Variants in NF1 observed in about 807,000 individuals in gnomAD.
The protein encoded by NF1 is neurofibromin.
In NF1, 122 loss-of-function variants were observed where a neutral mutation model predicts 325.7. The ratio of observed to expected loss-of-function variants is 0.37; its 90% CI spans 0.32 to 0.44. NF1 has a LOEUF of 0.44. NF1 is among the 20% of genes least tolerant of loss of function. NF1 has a pLI of 1.00. For missense variants in NF1, 2,140 were observed against 3,415.4 expected (o/e 0.63, Z 9.31); for synonymous variants, 1,091 against 1,186.0 (o/e 0.92, Z 1.65).
intron 40 of NF1, 29 bp downstream of exon 40, chr17:31,335,060 G>A (rs777393842): frequency 6.3e-7 from 1 of 1,576,224 alleles, no homozygotes; most frequent in Non-Finnish European, 8.7e-7. Flanking sequence ...TATTTATCTA[G>A]TATCTCCTTT....
chr17:31,227,008 G>A (rs1476560900), intron 18 of NF1, among the ~76,000 whole-genome samples: 1 of 152,208 alleles, frequency 6.6e-6, no homozygotes, highest in African/African-American at 2.4e-5. Context: ...TGAGTAAATT[G>A]TAGGTGGGAA....
intron 5 of NF1, among the ~76,000 whole-genome samples, chr17:31,174,737 C>A (rs1363127098): frequency 3.3e-5 from 5 of 151,908 alleles, no homozygotes; most frequent in Non-Finnish European, 7.4e-5. Flanking sequence ...CATTAAGATT[C>A]AAAAAGAATT....
Position 31,336,522 on chromosome 17 carries a change from A to G in NF1, c.6147+49A>G, listed in dbSNP as rs1194251943. 2 of 1,612,374 alleles carry G rather than the reference A, an allele frequency of 1.2e-6. No individual in the cohort carries two copies. Among genetic ancestry groups the G allele is most frequent in the Non-Finnish European group, 1.7e-6 (2 of 1,179,044 alleles). On this transcript the variant is annotated intron_variant, in intron 41 of 57. Coordinates refer to ENST00000358273, the MANE Select transcript of NF1 (RefSeq NM_001042492.3). The surrounding 1 kb of genome is among the most constrained non-coding windows in gnomAD (Gnocchi z 5.5). ...TGTACTATAGCATATCTGTTTTATC[A>G]TCAGGAGGTTTTTTGTTTTGTAATT...
chr17:31,219,280 G>A, intron 14 of NF1, 162 bp downstream of exon 14: 2 of 665,728 alleles, frequency 3.0e-6, no homozygotes, highest in Non-Finnish European at 5.0e-6. Flanking sequence ...CATGGAGAAA[G>A]AAGGGGTTTA....
At chr17:31,356,915 G>A (rs1331767586) in intron 52 of NF1, 45 bp from the exon 53 acceptor site, 13 of 1,611,656 alleles carry the variant, frequency 8.1e-6, no homozygotes, top group African/African-American at 8.0e-5. Context: ...TAGGTGAAGT[G>A]ATTATCCAGG....
At position 31,249,078 on chromosome 17, in the gene NF1, T is replaced by C. The variant is rs1207255352; in HGVS notation, c.4069T>C (p.Phe1357Leu). 1.9e-6 allele frequency: 3 copies of C among 1,614,152 alleles called. No homozygotes were observed. The highest frequency in any genetic ancestry group is 1.1e-5 in the South Asian group (1 of 91,080). Residue 1357 changes from phenylalanine to leucine, a missense_variant, in exon 30 of 58, where the codon TTC becomes CTC. Around this residue, in one of 10 missense-constraint regions of NF1, gnomAD observed 336 missense variants for 399.0 expected, o/e 0.84. Coordinates refer to ENST00000358273, the MANE Select transcript of NF1 (RefSeq NM_001042492.3). ...TGCCATCATCAGTTCCTCCTCAGAATTCCCCCCTCAACTTCGAAGTGTGTG... is the reference window on the plus strand; with the variant it reads ...TGCCATCATCAGTTCCTCCTCAGAACTCCCCCCTCAACTTCGAAGTGTGTG... Reference protein sequence around the residue: ...FHAIISSSSEFPPQLRSVCHC... With the variant: ...FHAIISSSSELPPQLRSVCHC...
intron 1 of NF1, among the ~76,000 whole-genome samples, chr17:31,132,211 CGTGAGCCACT>C (rs1265028978): frequency 9.9e-5 from 15 of 152,104 alleles, no homozygotes; most frequent in South Asian, 2.1e-4. Context: ...GGATTACAGG[CGTGAGCCACT>C]GTGGCTGGCC....
At chr17:31,186,779 A>G (rs1597664984) in intron 8 of NF1, among the ~76,000 whole-genome samples, 2 of 152,224 alleles carry the variant, frequency 1.3e-5, no homozygotes, top group East Asian at 3.8e-4. Context: ...GCCCATGAAC[A>G]AAGTGGCCAT....
At chr17:31,140,708 G>A (rs948233536) in intron 1 of NF1, among the ~76,000 whole-genome samples, 1 of 152,182 alleles carries the variant, frequency 6.6e-6, no homozygotes, top group Non-Finnish European at 1.5e-5. Context: ...CTAAATGTCT[G>A]TTGATGGCAA....
intron 36 of NF1, among the ~76,000 whole-genome samples, chr17:31,289,094 TA>T (rs2068298953): frequency 6.6e-6 from 1 of 152,106 alleles, no homozygotes; most frequent in African/African-American, 2.4e-5. Flanking sequence ...AACAAACTTC[TA>T]GGGGCAAGTG....
intron 36 of NF1, among the ~76,000 whole-genome samples, chr17:31,311,066 C>T (rs1423117994): frequency 6.6e-6 from 1 of 151,680 alleles, no homozygotes; most frequent in African/African-American, 2.4e-5. Flanking sequence ...CCTCACACCT[C>T]AGCTTCCCTA....
intron 39 of NF1, among the ~76,000 whole-genome samples, chr17:31,332,599 C>CT (rs2069535313): frequency 5.7e-5 from 2 of 35,168 alleles, no homozygotes; most frequent in South Asian, 1.3e-3. Context: ...TTATTATACT[C>CT]TAAGTTTTAG....
At chr17:31,126,004 G>A (rs1914851708) in intron 1 of NF1, among the ~76,000 whole-genome samples, 1 of 152,106 alleles carries the variant, frequency 6.6e-6, no homozygotes, top group African/African-American at 2.4e-5. Context: ...GGCCAACGTG[G>A]TAAAACCCGG....
intron 8 of NF1, among the ~76,000 whole-genome samples, chr17:31,190,441 T>C (rs1166348639): frequency 6.6e-6 from 1 of 152,222 alleles, no homozygotes; most frequent in Non-Finnish European, 1.5e-5. Flanking sequence ...GAAATTATTT[T>C]ATGCACATTA....
chr17:31,150,323 A>G (rs534218981), intron 1 of NF1, among the ~76,000 whole-genome samples: 1 of 152,312 alleles, frequency 6.6e-6, no homozygotes, highest in South Asian at 2.1e-4. Context: ...TCTAACCAGA[A>G]CCATATAGTG....
intron 4 of NF1, among the ~76,000 whole-genome samples, chr17:31,165,622 T>G (rs1288756600): frequency 2.0e-5 from 3 of 152,188 alleles, no homozygotes; most frequent in Non-Finnish European, 4.4e-5. Flanking sequence ...GTTTCTCCTT[T>G]AAGATTAAGA....
At chr17:31,284,536 C>T (rs1449087675) in intron 36 of NF1, among the ~76,000 whole-genome samples, 2 of 151,852 alleles carry the variant, frequency 1.3e-5, no homozygotes, top group Admixed American at 6.6e-5. Flanking sequence ...CCGCCTGCCT[C>T]GGCCTCCCAA....
At position 31,106,058 on chromosome 17, in the gene NF1, G is replaced by A. The variant is rs140905726; in HGVS notation, c.60+10689G>A. On this transcript the variant is annotated intron_variant, in intron 1 of 57. Coordinates refer to ENST00000358273, the MANE Select transcript of NF1 (RefSeq NM_001042492.3). The stretch of plus-strand genomic sequence containing the variant: ...AGTGGTGACACTTTTCTGTTGACAC[G>A]GTTTCTCTTGGGTAGTTCTCATAGT... 2.2e-3 allele frequency among the ~76,000 whole-genome samples: 328 copies of A among 152,244 alleles called. 1 individual carries two copies. Among genetic ancestry groups the A allele is most frequent in the African/African-American group, 7.4e-3 (308 of 41,532 alleles).
chr17:31,101,434 C>G (rs561495860), intron 1 of NF1, among the ~76,000 whole-genome samples: 2 of 152,290 alleles, frequency 1.3e-5, no homozygotes, highest in Admixed American at 6.5e-5. Flanking sequence ...CTTTTAGATT[C>G]TTTCAAGTTT....
Sources: gnomAD v4.1 joint callset for allele counts (sites outside exome capture counted in the v4.1 genomes callset) on GRCh38, gnomAD v4.1.1 for gene constraint, gnomAD v4.1.1 regional missense constraint, Gnocchi (gnomAD v3.1) non-coding constraint, MANE v1.5 for transcripts, NCBI Gene and HGNC (gene_info 2026-07-23, HGNC 2026-07-21) for gene names.